Variants in CPED1 observed in about 807,000 individuals in gnomAD.
The protein encoded by CPED1 is cadherin-like and PC-esterase domain-containing protein 1.
A neutral mutation model predicts 128.2 loss-of-function variants in CPED1; 114 were observed. The observed-to-expected ratio is 0.89, with a 90% CI of 0.76 to 1.04. The LOEUF is 1.04. CPED1 is among the 50% of genes least tolerant of loss of function. The pLI is 0.00. For missense variants in CPED1, 1,211 were observed against 1,207.1 expected, an observed-to-expected ratio of 1.00 and a Z score of -0.05; for synonymous variants, 462 against 426.7, an observed-to-expected ratio of 1.08 and a Z score of -1.02.
chr7:121,129,336 C>T (rs868109042), intron 11 of CPED1, among the ~76,000 whole-genome samples: 335 of 105,372 alleles, frequency 3.2e-3, no homozygotes, highest in African/African-American at 0.012. Context: ...TATATATATA[C>T]GTATATATAT....
intron 2 of CPED1, among the ~76,000 whole-genome samples, chr7:121,007,717 C>T (rs916146869): frequency 6.6e-5 from 10 of 152,122 alleles, no homozygotes; most frequent in African/African-American, 2.4e-4. Flanking sequence ...ATTTTCTCTC[C>T]AATACTGGAA....
chr7:121,196,637 G>A (rs988917582), intron 16 of CPED1, among the ~76,000 whole-genome samples: 1 of 152,068 alleles, frequency 6.6e-6, no homozygotes, highest in Non-Finnish European at 1.5e-5. Context: ...TTTAGTGCAG[G>A]ACATACTTAT....
chr7:121,125,314 T>C (rs1795477157), intron 8 of CPED1, among the ~76,000 whole-genome samples: 1 of 152,138 alleles, frequency 6.6e-6, no homozygotes, highest in African/African-American at 2.4e-5. Context: ...TTATTTTACT[T>C]TAAGTTCTGG....
intron 18 of CPED1, among the ~76,000 whole-genome samples, chr7:121,248,654 C>T (rs1798597196): frequency 6.6e-6 from 1 of 150,398 alleles, no homozygotes. Context: ...GAGCCTTGCC[C>T]TTTGAAAACA....
At chr7:121,162,996 A>G (rs1796444265) in intron 16 of CPED1, among the ~76,000 whole-genome samples, 4 of 152,266 alleles carry the variant, frequency 2.6e-5, no homozygotes. Flanking sequence ...TCAATTCCCA[A>G]AGGAAATTAG....
At chr7:121,276,184 TC>T (rs1350126218) in intron 22 of CPED1, among the ~76,000 whole-genome samples, 1 of 152,090 alleles carries the variant, frequency 6.6e-6, no homozygotes, top group Admixed American at 6.6e-5. Context: ...AATCAGCATA[TC>T]CTTAGAGGGA....
chr7:121,228,127 C>T (rs933147062), intron 16 of CPED1, among the ~76,000 whole-genome samples: 2 of 151,972 alleles, frequency 1.3e-5, no homozygotes, highest in Non-Finnish European at 2.9e-5. Flanking sequence ...AAATCACAGG[C>T]AACTAAACCA....
intron 18 of CPED1, among the ~76,000 whole-genome samples, chr7:121,250,730 A>C (rs1798652209): frequency 6.6e-6 from 1 of 152,170 alleles, no homozygotes; most frequent in Admixed American, 6.5e-5. Context: ...GAAATGGATA[A>C]ATTCCTCAAC....
At position 121,127,072 on chromosome 7, in the gene CPED1, G is replaced by A. The variant is rs751921518; in HGVS notation, c.1135-18G>A. On this transcript the variant is annotated intron_variant, in intron 9 of 22. Coordinates refer to ENST00000310396, the MANE Select transcript of CPED1 (RefSeq NM_024913.5). ...TAAATCGATGAAAAATATTTGCTGT[G>A]CTTTTGTTCTTTCAAAGGTACACGA... is the stretch of plus-strand genomic sequence containing the variant. The A allele has an allele frequency of 6.5e-7, 1 of 1,532,056 alleles. No individual in the cohort carries two copies. The highest frequency in any genetic ancestry group is 8.8e-7 in the Non-Finnish European group (1 of 1,140,946). 94.9% of individuals were successfully genotyped at this position (1,532,056 alleles called of 1,614,324 possible). A position where few individuals can be genotyped will look rare whatever the true frequency, so the allele number is the denominator to read the frequency against.
intron 16 of CPED1, among the ~76,000 whole-genome samples, chr7:121,184,973 T>C (rs1280022442): frequency 1.3e-5 from 2 of 152,128 alleles, no homozygotes; most frequent in Non-Finnish European, 2.9e-5. Flanking sequence ...GACACAGTGA[T>C]TTCTTTATGA....
chr7:121,037,396 G>A (rs1792922732), intron 3 of CPED1, among the ~76,000 whole-genome samples: 1 of 152,018 alleles, frequency 6.6e-6, no homozygotes, highest in African/African-American at 2.4e-5. Context: ...TGAATAGGGT[G>A]TCCTTTCCAC....
chr7:121,090,750 A>T (rs890709148), intron 5 of CPED1, among the ~76,000 whole-genome samples: 2 of 152,152 alleles, frequency 1.3e-5, no homozygotes, highest in African/African-American at 4.8e-5. Context: ...GGAGTTCAAG[A>T]CCAGCCTGGC....
intron 5 of CPED1, among the ~76,000 whole-genome samples, chr7:121,093,116 C>A (rs1202860321): frequency 6.6e-6 from 1 of 152,134 alleles, no homozygotes; most frequent in Non-Finnish European, 1.5e-5. Context: ...TGAGTGATTT[C>A]AAGGTCCCCT....
intron 16 of CPED1, among the ~76,000 whole-genome samples, chr7:121,205,621 TTAAA>T (rs906811414): frequency 8.6e-5 from 13 of 151,898 alleles, no homozygotes; most frequent in Non-Finnish European, 1.3e-4. Context: ...ACATATTATT[TTAAA>T]TAAATAAATA....
At chr7:121,070,671 A>G (rs1793961974) in intron 5 of CPED1, among the ~76,000 whole-genome samples, 1 of 152,122 alleles carries the variant, frequency 6.6e-6, no homozygotes, top group African/African-American at 2.4e-5. Flanking sequence ...CATTTAATTC[A>G]TCAGTAAGCC....
chr7:121,103,787 A>G (rs576737896), intron 7 of CPED1, among the ~76,000 whole-genome samples: 3 of 152,218 alleles, frequency 2.0e-5, no homozygotes, highest in African/African-American at 7.2e-5. Flanking sequence ...AGCCCACTAA[A>G]CTAGTTATCA....
At chr7:121,257,601 A>G (rs1423784072) in intron 18 of CPED1, among the ~76,000 whole-genome samples, 1 of 152,066 alleles carries the variant, frequency 6.6e-6, no homozygotes, top group Non-Finnish European at 1.5e-5. Context: ...AATTGCGTAA[A>G]CATTCACAAA....
chr7:121,256,129 C>CA (rs201393067), intron 18 of CPED1, among the ~76,000 whole-genome samples: 56,144 of 101,724 alleles, frequency 0.55, 16,298 homozygotes, highest in East Asian at 0.87. Flanking sequence ...AAAAACAAAA[C>CA]AAAAAAAAAA....
At chr7:121,151,826 A>G (rs1200324830) in intron 16 of CPED1, among the ~76,000 whole-genome samples, 1 of 151,926 alleles carries the variant, frequency 6.6e-6, no homozygotes, top group Non-Finnish European at 1.5e-5. Context: ...AGGTTGGCCC[A>G]ATGTTTCAAT....
Sources: allele counts gnomAD v4.1 joint callset (sites outside exome capture counted in the v4.1 genomes callset), GRCh38; gene constraint gnomAD v4.1.1; transcripts MANE v1.5; gene names NCBI Gene and HGNC (gene_info 2026-07-23, HGNC 2026-07-21).